The following LRP1B variants were observed in gnomAD, a reference collection of about 807,000 sequenced individuals.
LRP1B encodes LDL receptor related protein 1B, also known as low-density lipoprotein receptor-related protein 1B.
LRP1B carries 217 observed loss-of-function variants against 556.6 expected under a neutral mutation model. That is an observed-to-expected ratio of 0.39 (90% confidence interval 0.35 to 0.44). The LOEUF is 0.44. Ranked by LOEUF, LRP1B falls within the 20% of genes least tolerant of loss-of-function variation. LRP1B has a pLI of 1.00. For missense variants in LRP1B, 5,053 were observed against 5,620.8 expected, an observed-to-expected ratio of 0.90 and a Z score of 3.23; for synonymous variants, 2,047 against 1,865.8, an observed-to-expected ratio of 1.10 and a Z score of -2.50.
At chr2:140,640,383 C>CTTTTTTCTTT (rs1684242692) in intron 41 of LRP1B, among the ~76,000 whole-genome samples, 19 of 48,466 alleles carry the variant, frequency 3.9e-4, no homozygotes, top group Non-Finnish European at 5.3e-4. Flanking sequence ...GTCCTGTTTT[C>CTTTTTTCTTT]TTTTTTTTTT....
intron 2 of LRP1B, among the ~76,000 whole-genome samples, chr2:141,500,473 A>G (rs1683674787): frequency 6.6e-6 from 1 of 152,136 alleles, no homozygotes. Flanking sequence ...TTTCTTACCT[A>G]CATAGTACTA....
intron 1 of LRP1B, among the ~76,000 whole-genome samples, chr2:141,842,950 T>C (rs1391187811): frequency 6.6e-6 from 1 of 152,116 alleles, no homozygotes; most frequent in Non-Finnish European, 1.5e-5. Flanking sequence ...CAGAAATATT[T>C]CATATCTAAT....
At chr2:141,478,991 A>G (rs922462206) in intron 3 of LRP1B, among the ~76,000 whole-genome samples, 1 of 152,132 alleles carries the variant, frequency 6.6e-6, no homozygotes, top group Non-Finnish European at 1.5e-5. Context: ...ATGTAATTTT[A>G]ATGCTAAGAA....
At chr2:142,085,698 T>A (rs1238299170) in intron 1 of LRP1B, among the ~76,000 whole-genome samples, 2 of 152,200 alleles carry the variant, frequency 1.3e-5, no homozygotes, top group African/African-American at 4.8e-5. Flanking sequence ...CCTATATGCT[T>A]TGAGATTATA....
chr2:141,242,616 C>T (rs553711626), intron 5 of LRP1B, among the ~76,000 whole-genome samples: 68 of 152,142 alleles, frequency 4.5e-4, no homozygotes, highest in African/African-American at 1.6e-3. Flanking sequence ...TTAATAGGCT[C>T]TCTACTCTCA....
At chr2:142,059,360 A>G (rs562327307) in intron 1 of LRP1B, among the ~76,000 whole-genome samples, 1 of 152,250 alleles carries the variant, frequency 6.6e-6, no homozygotes, top group South Asian at 2.1e-4. Flanking sequence ...AATCAGGTCT[A>G]TCAGTTCAAT....
Position 140,335,506 on chromosome 2 carries a change from T to C in LRP1B, c.12116+109A>G, listed in dbSNP as rs545959223. On this transcript the variant is annotated intron_variant, in intron 78 of 90. Coordinates refer to ENST00000389484, the MANE Select transcript of LRP1B (RefSeq NM_018557.3). ...TAGTACAAGGATATTTAAAAGCATG[T>C]GACACTATTACACATTGAACACTCA... is the stretch of plus-strand genomic sequence containing the variant. 898 of 695,132 alleles carry C rather than the reference T, an allele frequency of 1.3e-3. 18 individuals carry two copies. In the South Asian group the frequency reaches 0.015, roughly 11 times the overall value. 43.1% of individuals were successfully genotyped at this position (695,132 alleles called of 1,614,324 possible).
At chr2:141,430,498 T>C (rs979488102) in intron 3 of LRP1B, among the ~76,000 whole-genome samples, 7 of 152,328 alleles carry the variant, frequency 4.6e-5, no homozygotes, top group African/African-American at 1.7e-4. Flanking sequence ...TATTACTGTA[T>C]ATTTGGCAGG....
intron 2 of LRP1B, among the ~76,000 whole-genome samples, chr2:141,794,317 A>G (rs1195987188): frequency 6.6e-6 from 1 of 151,978 alleles, no homozygotes; most frequent in Non-Finnish European, 1.5e-5. Context: ...GCTTATTATT[A>G]TATCAAGACA....
intron 68 of LRP1B, among the ~76,000 whole-genome samples, chr2:140,375,713 A>G (rs1683197391): frequency 6.6e-6 from 1 of 152,074 alleles, no homozygotes; most frequent in African/African-American, 2.4e-5. Flanking sequence ...ATGTCTATGG[A>G]TGCAGTTTAA....
intron 71 of LRP1B, among the ~76,000 whole-genome samples, chr2:140,366,739 T>C (rs1682779373): frequency 6.6e-6 from 1 of 151,724 alleles, no homozygotes; most frequent in Non-Finnish European, 1.5e-5. Flanking sequence ...AATGAAATGA[T>C]TGTCATTGGC....
chr2:140,821,888 C>T (rs1327056823), intron 31 of LRP1B, among the ~76,000 whole-genome samples: 6 of 151,678 alleles, frequency 4.0e-5, no homozygotes, highest in Non-Finnish European at 7.4e-5. Context: ...CAAAATTAGC[C>T]ACTCAGGAGG....
rs566031623 is a variant in LRP1B at position 141,715,226 on chromosome 2, G to A, written c.205+95053C>T. 3.9e-5 allele frequency among the ~76,000 whole-genome samples: 6 copies of A among 152,230 alleles called. No homozygotes were observed. In the South Asian group the frequency reaches 1.2e-3, roughly 32 times the overall value. On this transcript the variant is annotated intron_variant, in intron 2 of 90. Coordinates refer to ENST00000389484, the MANE Select transcript of LRP1B (RefSeq NM_018557.3). ...CTCATACCTGTAATCCCAGCCCTTT[G>A]GGAAGCCAAGGTGGGAAGATCACTT...
At chr2:140,394,103 C>T (rs1286468166) in intron 66 of LRP1B, among the ~76,000 whole-genome samples, 7 of 151,488 alleles carry the variant, frequency 4.6e-5, no homozygotes, top group Non-Finnish European at 4.4e-5. Flanking sequence ...TTTCTGTAGC[C>T]CGTAGGGTTT....
At chr2:142,101,044 A>G (rs1377490347) in intron 1 of LRP1B, among the ~76,000 whole-genome samples, 1 of 151,950 alleles carries the variant, frequency 6.6e-6, no homozygotes, top group East Asian at 1.9e-4. Context: ...TTTTCTCCTG[A>G]TTGAGCTCTC....
Position 140,646,523 on chromosome 2 carries a change from C to G in LRP1B, c.6800-44884G>C, listed in dbSNP as rs528774478. On this transcript the variant is annotated intron_variant, in intron 41 of 90. Coordinates refer to ENST00000389484, the MANE Select transcript of LRP1B (RefSeq NM_018557.3). Reference sequence around the variant, plus strand: ...GCAAAACCCAGATTCAAAGTGAGCTCTCTTTGATGCCAGTCTATGCACTTT... The same window carrying G: ...GCAAAACCCAGATTCAAAGTGAGCTGTCTTTGATGCCAGTCTATGCACTTT... Among the ~76,000 whole-genome samples, 7 of 152,258 alleles carry G rather than the reference C, an allele frequency of 4.6e-5. No homozygotes were observed. The South Asian group carries it at 1.4e-3, about 32-fold the overall frequency.
At chr2:141,810,960 T>G (rs1193840051) in intron 1 of LRP1B, among the ~76,000 whole-genome samples, 1 of 151,990 alleles carries the variant, frequency 6.6e-6, no homozygotes, top group African/African-American at 2.4e-5. Context: ...AGGTGACAAC[T>G]TCTGCTACTA....
intron 35 of LRP1B, among the ~76,000 whole-genome samples, chr2:140,767,809 T>C (rs912759533): frequency 1.3e-5 from 2 of 151,922 alleles, no homozygotes; most frequent in Non-Finnish European, 2.9e-5. Flanking sequence ...TAATTGAATA[T>C]ATGCTCCAGC....
intron 55 of LRP1B, among the ~76,000 whole-genome samples, chr2:140,501,179 G>A (rs1382193434): frequency 6.6e-6 from 1 of 151,858 alleles, no homozygotes; most frequent in African/African-American, 2.4e-5. Flanking sequence ...ATTACATATG[G>A]TTTATTTTAG....
Sources: allele counts gnomAD v4.1 joint callset (sites outside exome capture counted in the v4.1 genomes callset), GRCh38; gene constraint gnomAD v4.1.1; transcripts MANE v1.5; gene names NCBI Gene and HGNC (gene_info 2026-07-23, HGNC 2026-07-21).